CALN1: variants seen among roughly 807,000 people sequenced by gnomAD.
CALN1 encodes the protein calcium-binding protein 8.
CALN1 carries 17 observed loss-of-function variants against 30.6 expected under a neutral mutation model. The ratio of observed to expected loss-of-function variants is 0.56; its 90% CI spans 0.38 to 0.83. The LOEUF (loss-of-function observed/expected upper bound fraction) is 0.83, where lower values mean the gene tolerates loss of function less well. CALN1 is among the 40% of genes least tolerant of loss of function. The probability of loss-of-function intolerance (pLI) is 0.00; values close to 1 mark genes in which losing one functional copy is unlikely to be tolerated. For missense variants in CALN1, 291 were observed against 354.9 expected (o/e 0.82, Z 1.45); for synonymous variants, 156 against 131.4 (o/e 1.19, Z -1.28).
chr7:72,440,211 T>C (rs891581184), intron 1 of CALN1, among the ~76,000 whole-genome samples: 1 of 152,194 alleles, frequency 6.6e-6, no homozygotes, highest in African/African-American at 2.4e-5. Context: ...GTGCAGACCA[T>C]GTCCTATTTC....
chr7:72,082,244 C>T (rs1026952051), intron 4 of CALN1, among the ~76,000 whole-genome samples: 2 of 152,208 alleles, frequency 1.3e-5, no homozygotes, highest in Non-Finnish European at 2.9e-5. Context: ...CCTCACCCTC[C>T]CAAAGTGTTG....
At chr7:72,139,460 C>T (rs1232282852) in intron 3 of CALN1, among the ~76,000 whole-genome samples, 1 of 151,178 alleles carries the variant, frequency 6.6e-6, no homozygotes, top group Non-Finnish European at 1.5e-5. Context: ...CCACCCTCTT[C>T]TACCAACTTC....
At chr7:72,391,332 G>A (rs917652005) in intron 2 of CALN1, among the ~76,000 whole-genome samples, 1 of 152,080 alleles carries the variant, frequency 6.6e-6, no homozygotes, top group African/African-American at 2.4e-5. Flanking sequence ...AATGATCAGA[G>A]GTATCCACAG....
At chr7:72,033,882 C>G (rs1801613946) in intron 4 of CALN1, among the ~76,000 whole-genome samples, 1 of 152,052 alleles carries the variant, frequency 6.6e-6, no homozygotes, top group African/African-American at 2.4e-5. Flanking sequence ...GGGAAAGGGT[C>G]TTAGTTAAGA....
At chr7:71,944,163 TAGGC>T (rs1562924750) in intron 5 of CALN1, among the ~76,000 whole-genome samples, 2 of 152,152 alleles carry the variant, frequency 1.3e-5, no homozygotes, top group African/African-American at 2.4e-5. Flanking sequence ...ACAATGCTGC[TAGGC>T]AGGGTGCAGT....
chr7:72,239,909 T>C (rs192225377), intron 3 of CALN1, among the ~76,000 whole-genome samples: 131 of 152,288 alleles, frequency 8.6e-4, no homozygotes, highest in African/African-American at 2.9e-3. Context: ...GTACATTGCA[T>C]GCCAGCAGAG....
chr7:72,073,292 C>A (rs1804524077), intron 4 of CALN1, among the ~76,000 whole-genome samples: 1 of 152,012 alleles, frequency 6.6e-6, no homozygotes, highest in South Asian at 2.1e-4. Flanking sequence ...TTTCAATTTT[C>A]CAAGAAGAAA....
upstream of CALN1, among the ~76,000 whole-genome samples, chr7:72,449,804 G>A (rs1236173353): frequency 7.5e-6 from 1 of 133,596 alleles, no homozygotes; most frequent in South Asian, 2.6e-4. Context: ...GAACCTGGGA[G>A]ATGCAGCTTG....
chr7:72,246,647 C>T (rs1795177584), intron 3 of CALN1, among the ~76,000 whole-genome samples: 1 of 152,016 alleles, frequency 6.6e-6, no homozygotes, highest in South Asian at 2.1e-4. Context: ...GAAAAAAAGA[C>T]ATAGAAATAA....
chr7:72,476,268 G>A, the CALN1 span, among the ~76,000 whole-genome samples: 112 of 151,954 alleles, frequency 7.4e-4, no homozygotes, highest in African/African-American at 2.4e-3. Context: ...CTTACATGCC[G>A]CCACGTAAGA....
At chr7:72,166,956 C>T (rs1788566877) in intron 3 of CALN1, among the ~76,000 whole-genome samples, 1 of 151,956 alleles carries the variant, frequency 6.6e-6, no homozygotes, top group African/African-American at 2.4e-5. Flanking sequence ...ATTGCTTAAA[C>T]TGGGAAGGTG....
chr7:72,093,524 T>C (rs1806012407), intron 4 of CALN1, among the ~76,000 whole-genome samples: 3 of 152,196 alleles, frequency 2.0e-5, no homozygotes, highest in African/African-American at 7.2e-5. Context: ...AGCATTATGA[T>C]TAATTAACTG....
intron 2 of CALN1, chr7:72,336,851 GGCAGCC>G: frequency 1.0e-6 from 1 of 985,046 alleles, no homozygotes; most frequent in East Asian, 1.1e-4. Flanking sequence ...ACCCCCAGCA[GGCAGCC>G]GCGTCCCCGT....
intron 2 of CALN1, among the ~76,000 whole-genome samples, chr7:72,287,670 T>C (rs546284541): frequency 4.7e-4 from 72 of 152,154 alleles, no homozygotes; most frequent in Non-Finnish European, 9.4e-4. Flanking sequence ...ATGGTCTTGA[T>C]CTCCTGACCT....
At chr7:71,879,233 GAT>G (rs747438658) in intron 5 of CALN1, among the ~76,000 whole-genome samples, 30 of 152,290 alleles carry the variant, frequency 2.0e-4, no homozygotes, top group Non-Finnish European at 3.7e-4. Context: ...AAACAACTGA[GAT>G]ATGTTTTTTT....
At chr7:71,989,146 A>G (rs889546404) in intron 5 of CALN1, among the ~76,000 whole-genome samples, 1 of 152,214 alleles carries the variant, frequency 6.6e-6, no homozygotes. Context: ...ACTATAGATA[A>G]GAGATGACTG....
At chr7:71,930,446 T>C (rs924019466) in intron 5 of CALN1, among the ~76,000 whole-genome samples, 1 of 152,232 alleles carries the variant, frequency 6.6e-6, no homozygotes, top group African/African-American at 2.4e-5. Context: ...AAGAGTTCTT[T>C]ATACATTCTA....
In CALN1 at chr7:72,094,205, TAAATC is replaced by T. The variant is rs373290123; in HGVS notation, c.388+11941_388+11945del. Among the ~76,000 whole-genome samples, 30 of 152,302 alleles carry T rather than the reference TAAATC, an allele frequency of 2.0e-4. No homozygotes were observed. The East Asian group carries it at 5.6e-3, about 28-fold the overall frequency. On this transcript the variant is annotated intron_variant, in intron 4 of 6. Coordinates refer to ENST00000395275, the MANE Select transcript of CALN1 (RefSeq NM_031468.4). ...AGGTGTAACAATGGACTCTAGGTGT[TAAATC>T]AAAGAAGATACACTGTAATATTGGA...
intron 3 of CALN1, among the ~76,000 whole-genome samples, chr7:72,147,952 G>C (rs1585039282): frequency 7.0e-6 from 1 of 142,288 alleles, no homozygotes; most frequent in African/African-American, 2.6e-5. Context: ...CTGTTGTGGG[G>C]GGAGGGGGGA....
Sources: allele counts gnomAD v4.1 joint callset (sites outside exome capture counted in the v4.1 genomes callset), GRCh38; gene constraint gnomAD v4.1.1; transcripts MANE v1.5; gene names NCBI Gene and HGNC (gene_info 2026-07-23, HGNC 2026-07-21).